Variants in DOCK3 observed in about 807,000 individuals in gnomAD.
The protein encoded by DOCK3 is dedicator of cytokinesis protein 3.
Under a neutral mutation model 265.6 loss-of-function variants are expected in DOCK3, and 60 were observed. The observed-to-expected ratio is 0.23, with a 90% CI of 0.18 to 0.28. The LOEUF (loss-of-function observed/expected upper bound fraction) is 0.28. Among genes scored for constraint, DOCK3 ranks in the 10% least tolerant of loss-of-function variants. The pLI, the probability that DOCK3 is intolerant of heterozygous loss-of-function variation, is 1.00. For synonymous variants in DOCK3, 881 were observed against 938.0 expected (o/e 0.94, Z 1.11); for missense variants, 1,981 against 2,594.3 (o/e 0.76, Z 5.14).
chr3:50,747,557 G>A (rs911242355), intron 1 of DOCK3, among the ~76,000 whole-genome samples: 2 of 151,944 alleles, frequency 1.3e-5, no homozygotes, highest in African/African-American at 4.8e-5. Flanking sequence ...TAGTTTAAAT[G>A]GTATTGTTTA....
chr3:51,251,625 T>C (rs1014910305), intron 22 of DOCK3, among the ~76,000 whole-genome samples: 1 of 152,284 alleles, frequency 6.6e-6, no homozygotes, highest in Non-Finnish European at 1.5e-5. Flanking sequence ...TGACCCGTGA[T>C]GATGAGCTTT....
In DOCK3 at chr3:50,851,223, C is replaced by T. The variant is rs544795536; in HGVS notation, c.162+9508C>T. ...GTACTCTAAATGCCTGGAGATCTGC[C>T]TGGGCATGTAGCAGGGAAGGGCCCC... On this transcript the variant is annotated intron_variant, in intron 3 of 52. Transcript: ENST00000266037. 3.9e-5 allele frequency among the ~76,000 whole-genome samples: 6 copies of T among 152,232 alleles called. 1 individual carries two copies. Among genetic ancestry groups the T allele is most frequent in the South Asian group, 4.1e-4 (2 of 4,824 alleles).
intron 5 of DOCK3, among the ~76,000 whole-genome samples, chr3:50,978,562 G>T (rs2077563959): frequency 6.6e-6 from 1 of 152,268 alleles, no homozygotes; most frequent in Admixed American, 6.5e-5. Context: ...GTCAGACAGG[G>T]ACATTTAAGT....
At chr3:51,100,743 G>A (rs868257146) in intron 9 of DOCK3, among the ~76,000 whole-genome samples, 3 of 151,832 alleles carry the variant, frequency 2.0e-5, no homozygotes, top group Non-Finnish European at 4.4e-5. Flanking sequence ...CCAAAGTTAT[G>A]GGATAACCAG....
intron 5 of DOCK3, among the ~76,000 whole-genome samples, chr3:51,023,755 T>A (rs1220411787): frequency 6.6e-6 from 1 of 152,174 alleles, no homozygotes; most frequent in Non-Finnish European, 1.5e-5. Flanking sequence ...CCCTGGAAAA[T>A]TTTTCATGCA....
intron 1 of DOCK3, among the ~76,000 whole-genome samples, chr3:50,767,409 C>G (rs1412400966): frequency 6.6e-6 from 1 of 152,090 alleles, no homozygotes. Context: ...TGTTAGGTTT[C>G]TCAAAGATCA....
intron 1 of DOCK3, among the ~76,000 whole-genome samples, chr3:50,713,534 G>A (rs1425800643): frequency 1.3e-5 from 2 of 152,052 alleles, no homozygotes; most frequent in African/African-American, 4.8e-5. Flanking sequence ...AGCTCCTCTT[G>A]TTCAAGAATT....
At chr3:51,169,270 T>TA (rs1270047152) in intron 12 of DOCK3, among the ~76,000 whole-genome samples, 5 of 152,166 alleles carry the variant, frequency 3.3e-5, no homozygotes, top group Non-Finnish European at 7.4e-5. Flanking sequence ...TTTTCTATCA[T>TA]AAAGACACAT....
intron 12 of DOCK3, among the ~76,000 whole-genome samples, chr3:51,195,042 G>A (rs2088196336): frequency 6.6e-6 from 1 of 151,874 alleles, no homozygotes; most frequent in East Asian, 1.9e-4. Flanking sequence ...GGCCAGGATG[G>A]TCTCGATCTC....
intron 22 of DOCK3, among the ~76,000 whole-genome samples, chr3:51,249,452 G>A (rs1470345936): frequency 1.9e-4 from 22 of 113,542 alleles, no homozygotes; most frequent in South Asian, 6.4e-4. Flanking sequence ...CCCCTACTGG[G>A]AAGTGAGGAG....
At chr3:51,281,871 TCTC>T (rs1315140687) in intron 27 of DOCK3, among the ~76,000 whole-genome samples, 13 of 151,832 alleles carry the variant, frequency 8.6e-5, no homozygotes, top group Admixed American at 5.9e-4. Flanking sequence ...GTCTTCCACT[TCTC>T]CTGTGTTGGG....
chr3:50,697,043 C>G (rs954256262), intron 1 of DOCK3, among the ~76,000 whole-genome samples: 2 of 151,628 alleles, frequency 1.3e-5, no homozygotes, highest in African/African-American at 2.4e-5. Flanking sequence ...CAATCCTCCC[C>G]CTTCAGCCTC....
intron 52 of DOCK3, among the ~76,000 whole-genome samples, 151 bp downstream of exon 52, chr3:51,380,358 C>T (rs1348291517): frequency 6.6e-6 from 1 of 152,338 alleles, no homozygotes; most frequent in South Asian, 2.1e-4. Flanking sequence ...CAGAGCCACA[C>T]TTGAGCTGCA....
At chr3:51,060,861 A>G (rs2081383756) in intron 5 of DOCK3, among the ~76,000 whole-genome samples, 1 of 152,220 alleles carries the variant, frequency 6.6e-6, no homozygotes. Context: ...AAACAAATTT[A>G]CAAGAAAAAA....
At chr3:50,963,236 A>G (rs930960347) in intron 5 of DOCK3, among the ~76,000 whole-genome samples, 1 of 152,212 alleles carries the variant, frequency 6.6e-6, no homozygotes, top group Non-Finnish European at 1.5e-5. Context: ...AAACATTATA[A>G]TGTATATCCA....
intron 9 of DOCK3, among the ~76,000 whole-genome samples, chr3:51,125,985 T>G (rs1011221933): frequency 3.3e-5 from 5 of 152,216 alleles, no homozygotes; most frequent in African/African-American, 1.2e-4. Flanking sequence ...CTTTTCAGTT[T>G]ACATAGTAAA....
intron 1 of DOCK3, among the ~76,000 whole-genome samples, chr3:50,709,522 A>AT (rs1309881795): frequency 1.3e-3 from 200 of 149,036 alleles, no homozygotes; most frequent in African/African-American, 4.1e-3. Flanking sequence ...ATTAGCCATG[A>AT]TTTTTTTTTT....
intron 12 of DOCK3, among the ~76,000 whole-genome samples, chr3:51,168,703 T>C (rs2086526727): frequency 6.6e-6 from 1 of 152,036 alleles, no homozygotes; most frequent in Non-Finnish European, 1.5e-5. Context: ...ATGATGAAAA[T>C]GACAAAAGCC....
chr3:51,088,647 G>C (rs563363418), intron 7 of DOCK3, among the ~76,000 whole-genome samples: 1 of 152,210 alleles, frequency 6.6e-6, no homozygotes, highest in Non-Finnish European at 1.5e-5. Flanking sequence ...CATGTAATTT[G>C]AGCTTCACAA....
Sources: allele counts gnomAD v4.1 joint callset (sites outside exome capture counted in the v4.1 genomes callset), GRCh38; gene constraint gnomAD v4.1.1; transcripts MANE v1.5; gene names NCBI Gene and HGNC (gene_info 2026-07-23, HGNC 2026-07-21).